AHNAK: variants seen among roughly 807,000 people sequenced by gnomAD.
AHNAK encodes the protein AHNAK nucleoprotein.
In AHNAK, 23 loss-of-function variants were observed where a neutral mutation model predicts 37.8. The ratio of observed to expected loss-of-function variants is 0.61; its 90% CI spans 0.44 to 0.86. The LOEUF is 0.86. Ranked by LOEUF, AHNAK falls within the 40% of genes least tolerant of loss-of-function variation. AHNAK has a pLI of 0.00. For synonymous variants in AHNAK, 2,481 were observed against 2,636.3 expected (o/e 0.94, Z 1.80); for missense variants, 7,411 against 7,319.4 (o/e 1.01, Z -0.46).
At chr11:62,505,154 G>A (rs904632857) in intron 4 of AHNAK, among the ~76,000 whole-genome samples, 7 of 152,058 alleles carry the variant, frequency 4.6e-5, no homozygotes, top group African/African-American at 1.7e-4. Flanking sequence ...CCCTTGGGAG[G>A]TGTATACCTG....
Position 62,519,101 on chromosome 11 carries a change from C to A in AHNAK, c.15316G>T (p.Ala5106Ser), listed in dbSNP as rs376733010. Residue 5106 changes from alanine (A) to serine (S), a missense_variant, in exon 5 of 5, where the codon GCC becomes TCC. Physicochemically the swap from Ala to Ser is moderately conservative, Grantham distance 99 (BLOSUM62 1). Coordinates refer to ENST00000378024, the MANE Select transcript of AHNAK (RefSeq NM_001620.3). ...TCCAGTTTGGGGCTAGGGAGAGGGGCCTCAGCTTTAAATTTAGGTGATTTA... is the reference window on the plus strand; with the variant it reads ...TCCAGTTTGGGGCTAGGGAGAGGGGACTCAGCTTTAAATTTAGGTGATTTA... ...DIKSPKFKAE[A>S]PLPSPKLEGE... The A allele has an allele frequency of 1.9e-6, 3 of 1,613,430 alleles. No individual in the cohort carries two copies. In the African/African-American group the frequency reaches 4.0e-5, roughly 22 times the overall value.
rs55916906 is a variant in AHNAK at position 62,464,667 on chromosome 11, CAAA to C, written c.442+27062_442+27064del. Among the ~76,000 whole-genome samples the C allele has an allele frequency of 1.1e-3, 151 of 142,036 alleles. 3 individuals are homozygous for C. The South Asian group carries it at 0.033, about 31-fold the overall frequency. The allele number at this position is 142,036 out of a possible 152,430, so 93.2% of individuals were successfully genotyped here. On this transcript the variant is annotated intron_variant, in intron 5 of 5. Transcript: ENST00000257247. The stretch of plus-strand genomic sequence containing the variant: ...TGGGCAACAGACCAAGATTCCGTCT[CAAA>C]AAAAAAAAAAATTAGCCAAGTATGG...
At position 62,458,802 on chromosome 11, in the gene AHNAK, A is replaced by G. The variant is rs570152743; in HGVS notation, c.443-24911T>C. Among the ~76,000 whole-genome samples the G allele has an allele frequency of 3.3e-5, 5 of 152,062 alleles. No homozygotes were observed. In the South Asian group the frequency reaches 1.0e-3, roughly 32 times the overall value. On this transcript the variant is annotated intron_variant, in intron 5 of 5. Transcript: ENST00000257247. ...CAGACTCACCTGGAGGGCTTATTCAATGTGAATTCCTGGTCCCTGCTCCAG... is the reference window on the plus strand; with the variant it reads ...CAGACTCACCTGGAGGGCTTATTCAGTGTGAATTCCTGGTCCCTGCTCCAG...
At position 62,523,133 on chromosome 11, in the gene AHNAK, C is replaced by T. The variant is rs369325785; in HGVS notation, c.11284G>A (p.Asp3762Asn). Residue 3762 changes from aspartate to asparagine, a missense_variant, in exon 5 of 5, where the codon GAT becomes AAT. Coordinates refer to ENST00000378024, the MANE Select transcript of AHNAK (RefSeq NM_001620.3). ...ATTTTGGGCAGAGAAACATCCACAT[C>T]GCCCTTGACTTTGGGGCCCTTCAGG... ...LNLKGPKVKGDVDVSLPKMEG... is the reference protein window; with the variant it reads ...LNLKGPKVKGNVDVSLPKMEG... 14 of 1,613,906 alleles carry T rather than the reference C, an allele frequency of 8.7e-6. No individual in the cohort carries two copies. The highest frequency in any genetic ancestry group is 2.7e-5 in the African/African-American group (2 of 74,858).
At chr11:62,495,555 A>T (rs1206668779) in intron 4 of AHNAK, among the ~76,000 whole-genome samples, 1 of 150,586 alleles carries the variant, frequency 6.6e-6, no homozygotes, top group Non-Finnish European at 1.5e-5. Context: ...ACGTGGTGAA[A>T]CCCAGTCTCT....
At chr11:62,443,164 G>A (rs1172555811) in intron 5 of AHNAK, among the ~76,000 whole-genome samples, 4 of 151,214 alleles carry the variant, frequency 2.6e-5, no homozygotes, top group African/African-American at 9.7e-5. Context: ...TTTTAGTAGT[G>A]ATGGGGTTTC....
Position 62,517,724 on chromosome 11 carries a change from T to C in AHNAK, c.16693A>G (p.Lys5565Glu). ...GAAACATCCGCACCTCCTTTGATTT[T>C]TGGGCCCTTCAAGTTGATGCCAAAA... is the stretch of plus-strand genomic sequence containing the variant. ...SDFGINLKGP[K>E]IKGGADVSGG... The change falls in exon 5 of 5, where the codon AAA becomes GAA. Residue 5565 changes from lysine (K) to glutamate (E), a missense_variant. Transcript: ENST00000378024. The C allele has an allele frequency of 6.2e-7, 1 of 1,614,204 alleles. No individual in the cohort carries two copies. The highest frequency in any genetic ancestry group is 1.1e-5 in the South Asian group (1 of 91,084).
In AHNAK at chr11:62,516,809, T is replaced by C. The variant is rs746588194; in HGVS notation, c.17608A>G (p.Ser5870Gly). The C allele has an allele frequency of 6.2e-6, 10 of 1,613,968 alleles. No homozygotes were observed. The highest frequency in any genetic ancestry group is 8.5e-6 in the Non-Finnish European group (10 of 1,179,990). ...AGCTGGATGCCAACCTTATTCCCAC[T>C]GTCATTGCTAGAAGAGGAGGACAGT... is the stretch of plus-strand genomic sequence containing the variant. ...SRLSSSSSND[S>G]GNKVGIQLPE... The change falls in exon 5 of 5, where the codon AGT (serine) becomes GGT (glycine). Residue 5870 changes from serine to glycine, a missense_variant. Physicochemically the swap from Ser to Gly is moderately conservative, Grantham distance 56 (BLOSUM62 0). Transcript: ENST00000378024.
Position 62,523,066 on chromosome 11 carries a change from G to C in AHNAK, c.11351C>G (p.Pro3784Arg). 1.5e-5 allele frequency: 25 copies of C among 1,614,018 alleles called. No individual in the cohort carries two copies. Among genetic ancestry groups the C allele is most frequent in the Non-Finnish European group, 2.1e-5 (25 of 1,180,004 alleles). Residue 3784 changes from proline to arginine, a missense_variant, in exon 5 of 5, where the codon CCC (proline) becomes CGC (arginine). By Grantham distance (103) the Pro-to-Arg change is moderately radical. Coordinates refer to ENST00000378024, the MANE Select transcript of AHNAK (RefSeq NM_001620.3). ...ATCTGGAGCATTAATGTCCACTTTG[G>C]GGCCCTTGATGTCAACTTCAGGACC... ...LKGPEVDIKGPKVDINAPDVD... is the reference protein window; with the variant it reads ...LKGPEVDIKGRKVDINAPDVD...
At chr11:62,500,574 G>A (rs1326100850) in intron 4 of AHNAK, among the ~76,000 whole-genome samples, 3 of 152,254 alleles carry the variant, frequency 2.0e-5, no homozygotes, top group South Asian at 2.1e-4. Context: ...ATGTGGCTCC[G>A]AACCTCCCCA....
downstream of AHNAK, among the ~76,000 whole-genome samples, chr11:62,514,179 A>G (rs1939964307): frequency 6.6e-6 from 1 of 152,126 alleles, no homozygotes; most frequent in African/African-American, 2.4e-5. Context: ...ATTCCTCCCT[A>G]GCTGTGTACA....
At chr11:62,477,947 G>A (rs1182796163) in intron 5 of AHNAK, among the ~76,000 whole-genome samples, 1 of 152,150 alleles carries the variant, frequency 6.6e-6, no homozygotes, top group African/African-American at 2.4e-5. Flanking sequence ...AGTAACATGT[G>A]TATAGGTACA....
At chr11:62,491,881 A>T (rs1331006598) in intron 4 of AHNAK, 2 of 1,529,384 alleles carry the variant, frequency 1.3e-6, no homozygotes, top group Non-Finnish European at 1.8e-6. Flanking sequence ...TCATCCAATC[A>T]ATGAGCACTT....
At chr11:62,467,749 G>A (rs966554437) in intron 5 of AHNAK, among the ~76,000 whole-genome samples, 1 of 152,166 alleles carries the variant, frequency 6.6e-6, no homozygotes, top group African/African-American at 2.4e-5. Context: ...AATCATCTTA[G>A]CTGTGATTGG....
At position 62,530,116 on chromosome 11, in the gene AHNAK, A is replaced by G; in HGVS notation, c.4301T>C (p.Leu1434Pro). Residue 1434 changes from leucine (L) to proline (P), a missense_variant, in exon 5 of 5, where the codon CTA becomes CCA. Coordinates refer to ENST00000378024, the MANE Select transcript of AHNAK (RefSeq NM_001620.3). ...DVNIEGPDAK[L>P]KGPKFKMPEM... ...TGGCATCTTGAATTTGGGACCTTTTAGTTTTGCGTCTGGACCTTCAATATT... is the reference window on the plus strand; with the variant it reads ...TGGCATCTTGAATTTGGGACCTTTTGGTTTTGCGTCTGGACCTTCAATATT... The G allele has an allele frequency of 2.5e-6, 4 of 1,614,028 alleles. No individual in the cohort carries two copies. The highest frequency in any genetic ancestry group is 3.4e-6 in the Non-Finnish European group (4 of 1,179,982).
At position 62,524,308 on chromosome 11, in the gene AHNAK, T is replaced by C. The variant is rs775400445; in HGVS notation, c.10109A>G (p.Asp3370Gly). 2 of 1,613,944 alleles carry C rather than the reference T, an allele frequency of 1.2e-6. No homozygotes were observed. Reference sequence around the variant, plus strand: ...AATATCTGGCTTTTTACCTTTGACATCCACTTCAGGTGTCTGAACTTTAGA... The same window carrying C: ...AATATCTGGCTTTTTACCTTTGACACCCACTTCAGGTGTCTGAACTTTAGA... ...SGSKVQTPEV[D>G]VKGKKPDIDI... Residue 3370 changes from aspartate (D) to glycine (G), a missense_variant, in exon 5 of 5, where the codon GAT becomes GGT. Physicochemically the swap from Asp to Gly is moderately conservative, Grantham distance 94. Transcript: ENST00000378024.
rs570628406 is a variant in AHNAK, at chr11:62,517,190, G to C, written c.17227C>G (p.Leu5743Val). Residue 5743 changes from leucine (L) to valine (V), a missense_variant, in exon 5 of 5, where the codon CTG becomes GTG. Physicochemically the swap from Leu to Val is conservative, Grantham distance 32. Transcript: ENST00000378024. ...EASISGSKGD[L>V]KSSKASLGSL... ...CCCAGGCTGGCCTTTGAACTTTTCA[G>C]GTCACCTTTGGACCCAGAAATTGAT... The C allele has an allele frequency of 1.2e-6, 2 of 1,613,806 alleles. No homozygotes were observed. The highest frequency in any genetic ancestry group is 4.5e-5 in the East Asian group (2 of 44,896).
At position 62,522,103 on chromosome 11, in the gene AHNAK, A is replaced by C; in HGVS notation, c.12314T>G (p.Ile4105Ser). The C allele has an allele frequency of 6.2e-7, 1 of 1,613,668 alleles. No homozygotes were observed. Among genetic ancestry groups the C allele is most frequent in the South Asian group, 1.1e-5 (1 of 91,056 alleles). Residue 4105 changes from isoleucine (I) to serine (S), a missense_variant, in exon 5 of 5, where the codon ATT becomes AGT. Coordinates refer to ENST00000378024, the MANE Select transcript of AHNAK (RefSeq NM_001620.3). Reference sequence around the variant, plus strand: ...CTTCAGTTTCCCTTCTGGACCATGAATATCAATATCAGGAGTGTCAATGTC... The same window carrying C: ...CTTCAGTTTCCCTTCTGGACCATGACTATCAATATCAGGAGTGTCAATGTC... ...KVDIDTPDID[I>S]HGPEGKLKGP...
chr11:62,441,856 T>C (rs1938312836), intron 5 of AHNAK, among the ~76,000 whole-genome samples: 1 of 152,092 alleles, frequency 6.6e-6, no homozygotes, highest in Admixed American at 6.6e-5. Flanking sequence ...CAGTTCACCC[T>C]CACCGAGCCC....
Sources: allele counts gnomAD v4.1 joint callset (sites outside exome capture counted in the v4.1 genomes callset), GRCh38; gene constraint gnomAD v4.1.1; transcripts MANE v1.5; gene names NCBI Gene and HGNC (gene_info 2026-07-23, HGNC 2026-07-21).